NAA60: variants seen among roughly 807,000 people sequenced by gnomAD.
NAA60 encodes N-alpha-acetyltransferase 60.
NAA60 carries 8 observed loss-of-function variants against 26.1 expected under a neutral mutation model. The ratio of observed to expected loss-of-function variants is 0.31; its 90% confidence interval spans 0.18 to 0.55. NAA60 has a LOEUF of 0.55. Among genes scored for constraint, NAA60 ranks in the 20% least tolerant of loss-of-function variants. The pLI is 0.93. For synonymous variants in NAA60, 131 were observed against 122.5 expected (o/e 1.07, Z -0.46); for missense variants, 290 against 311.3 (o/e 0.93, Z 0.51).
Position 3,461,099 on chromosome 16 carries a change from G to A in NAA60, c.-7+12559G>A, listed in dbSNP as rs142524875. Among the ~76,000 whole-genome samples, 495 of 152,228 alleles carry A rather than the reference G, an allele frequency of 3.3e-3. 2 individuals are homozygous for A. Among genetic ancestry groups the A allele is most frequent in the Non-Finnish European group, 5.6e-3 (384 of 68,020 alleles). On this transcript the variant is annotated intron_variant, in intron 2 of 7. Transcript: ENST00000407558. ...CTTTTTAGCATGACCTCTGATAGGA[G>A]GCTGGCAGGACAGTTCAGGACTTAT... is the stretch of plus-strand genomic sequence containing the variant.
chr16:3,446,480 G>C (rs1174635825), intron 1 of NAA60, among the ~76,000 whole-genome samples: 1 of 144,800 alleles, frequency 6.9e-6, no homozygotes, highest in Non-Finnish European at 1.5e-5. Context: ...GCAGTGAGCC[G>C]AGATCACACC....
At chr16:3,449,424 A>G (rs2034684095) in intron 2 of NAA60, among the ~76,000 whole-genome samples, 1 of 152,166 alleles carries the variant, frequency 6.6e-6, no homozygotes, top group Admixed American at 6.5e-5. Flanking sequence ...AGGCTGAGGC[A>G]GGAGAATGGT....
intron 2 of NAA60, among the ~76,000 whole-genome samples, chr16:3,459,194 C>T (rs546548596): frequency 6.6e-6 from 1 of 152,224 alleles, no homozygotes; most frequent in South Asian, 2.1e-4. Flanking sequence ...TGCCTTTTAC[C>T]AGGGCACTGA....
chr16:3,477,784 G>A (rs1320842505), intron 3 of NAA60, among the ~76,000 whole-genome samples: 11 of 149,906 alleles, frequency 7.3e-5, no homozygotes, highest in Admixed American at 2.0e-4. Context: ...ACAAAAATTG[G>A]GCCGGGCGCA....
chr16:3,469,063 G>A (rs1232447148), intron 2 of NAA60, among the ~76,000 whole-genome samples: 1 of 147,992 alleles, frequency 6.8e-6, no homozygotes, highest in Admixed American at 6.9e-5. Flanking sequence ...TCCAGCCTGG[G>A]CAACAGAGCC....
intron 2 of NAA60, among the ~76,000 whole-genome samples, chr16:3,457,443 C>G (rs2035051234): frequency 6.6e-6 from 1 of 152,192 alleles, no homozygotes; most frequent in Non-Finnish European, 1.5e-5. Flanking sequence ...GACCCTGTCT[C>G]AACAACAAAA....
Position 3,476,314 on chromosome 16 carries a change from G to A in NAA60, c.87G>A (p.Leu29=). 2 of 1,613,942 alleles carry A rather than the reference G, an allele frequency of 1.2e-6. No homozygotes were observed. The highest frequency in any genetic ancestry group is 1.7e-6 in the Non-Finnish European group (2 of 1,179,820). ...ATGACATAGACACTGTGAAGCACCTGTGTGGCGACTGGTTCCCCATCGAGT... is the reference window on the plus strand; with the variant it reads ...ATGACATAGACACTGTGAAGCACCTATGTGGCGACTGGTTCCCCATCGAGT... ...CHDDIDTVKH[L]CGDWFPIEYP... The change falls in exon 3 of 8, where the codon CTG becomes CTA. Residue 29 remains leucine (L), a synonymous_variant. Coordinates refer to ENST00000407558, the MANE Select transcript of NAA60 (RefSeq NM_001083601.3).
intron 2 of NAA60, among the ~76,000 whole-genome samples, chr16:3,474,158 A>G (rs1000001155): frequency 6.6e-6 from 1 of 152,210 alleles, no homozygotes; most frequent in Non-Finnish European, 1.5e-5. Flanking sequence ...CTGAGCATGA[A>G]CTACTTGGCA....
chr16:3,452,593 T>C (rs1438255093), intron 2 of NAA60, among the ~76,000 whole-genome samples: 1 of 150,792 alleles, frequency 6.6e-6, no homozygotes, highest in African/African-American at 2.4e-5. Flanking sequence ...GAGGCAGAAG[T>C]TGCAGTGAGC....
intron 2 of NAA60, among the ~76,000 whole-genome samples, chr16:3,461,787 C>T (rs9925461): frequency 0.13 from 19,079 of 152,104 alleles, 1,886 homozygotes; most frequent in South Asian, 0.29. Context: ...GGCATTTTCT[C>T]GTGTTTGACA....
At chr16:3,480,745 G>A (rs2036779573) in intron 4 of NAA60, among the ~76,000 whole-genome samples, 1 of 152,094 alleles carries the variant, frequency 6.6e-6, no homozygotes, top group African/African-American at 2.4e-5. Context: ...TCTACTAAAA[G>A]TAAAAAATAA....
rs1567404797 is a variant in NAA60, at chr16:3,485,133, G to A, written c.*206+72G>A. On this transcript the variant is annotated intron_variant, in intron 7 of 7. Coordinates refer to ENST00000407558, the MANE Select transcript of NAA60 (RefSeq NM_001083601.3). ...CACAAAAGTGGAAGGCCCTGGATGG[G>A]CACAGAGAACGGCAGAGCCGGAAGG... 3 of 935,604 alleles carry A rather than the reference G, an allele frequency of 3.2e-6. No individual in the cohort carries two copies. The East Asian group carries it at 7.8e-5, about 24-fold the overall frequency. The allele number at this position is 935,604 out of a possible 1,614,324, so 58.0% of individuals were successfully genotyped here.
At chr16:3,458,218 T>G in intron 2 of NAA60, 1 of 881,518 alleles carries the variant, frequency 1.1e-6, no homozygotes, top group Non-Finnish European at 1.4e-6. Flanking sequence ...GGCTCGGACC[T>G]GCGGCGGGGC....
chr16:3,481,182 C>T (rs1018939953), intron 4 of NAA60, among the ~76,000 whole-genome samples: 1 of 151,794 alleles, frequency 6.6e-6, no homozygotes, highest in Admixed American at 6.6e-5. Flanking sequence ...TGCAGTGATG[C>T]GATCCTGATC....
At chr16:3,469,832 AG>A (rs1458102479) in intron 2 of NAA60, among the ~76,000 whole-genome samples, 2 of 152,236 alleles carry the variant, frequency 1.3e-5, no homozygotes, top group Non-Finnish European at 2.9e-5. Flanking sequence ...TTGTTCACAC[AG>A]GTGTTGCATG....
intron 1 of NAA60, among the ~76,000 whole-genome samples, chr16:3,445,325 G>A (rs1407170436): frequency 6.7e-6 from 1 of 149,936 alleles, no homozygotes; most frequent in African/African-American, 2.5e-5. Context: ...CCAGACTGGG[G>A]TGCAGTGGCA....
rs1000277784 is a variant in NAA60, at chr16:3,482,738, C to T, written c.337+140C>T. 6.6e-5 allele frequency: 45 copies of T among 678,388 alleles called. No individual in the cohort carries two copies. In the East Asian group the frequency reaches 1.1e-3, roughly 16 times the overall value. 42.0% of individuals were successfully genotyped at this position (678,388 alleles called of 1,614,324 possible). ...ATCCCTCAGTCTCATCTTCCATCCT[C>T]GTTCCCGTCTTGGGCCAGACCTTCA... On this transcript the variant is annotated intron_variant, in intron 5 of 7. Coordinates refer to ENST00000407558, the MANE Select transcript of NAA60 (RefSeq NM_001083601.3).
At position 3,485,019 on chromosome 16, in the gene NAA60, CAG is replaced by C. The variant is rs1384917295; in HGVS notation, c.*166_*167del. On this transcript the variant is annotated 3_prime_UTR_variant, in exon 7 of 8. Coordinates refer to ENST00000407558, the MANE Select transcript of NAA60 (RefSeq NM_001083601.3). The stretch of plus-strand genomic sequence containing the variant: ...GCCCGGTGCTACACGGGCTCGGGAA[CAG>C]AACATCGTGGGCATGCGCAGAGCAT... The C allele has an allele frequency of 6.6e-7, 1 of 1,521,426 alleles. No homozygotes were observed. The highest frequency in any genetic ancestry group is 1.2e-5 in the South Asian group (1 of 83,186). 94.2% of individuals were successfully genotyped at this position (1,521,426 alleles called of 1,614,324 possible). A position where few individuals can be genotyped will look rare whatever the true frequency, so the allele number is the denominator to read the frequency against.
chr16:3,477,102 G>A (rs1274694720), intron 3 of NAA60, among the ~76,000 whole-genome samples: 1 of 151,986 alleles, frequency 6.6e-6, no homozygotes. Flanking sequence ...TATGTACCAC[G>A]ATCCTATTTT....
Sources: allele counts gnomAD v4.1 joint callset (sites outside exome capture counted in the v4.1 genomes callset), GRCh38; gene constraint gnomAD v4.1.1; transcripts MANE v1.5; gene names NCBI Gene and HGNC (gene_info 2026-07-23, HGNC 2026-07-21).